Variants in NDFIP2 observed in about 807,000 individuals in gnomAD.
The protein encoded by NDFIP2 is NEDD4 family-interacting protein 2.
In NDFIP2, 19 loss-of-function variants were observed where a neutral mutation model predicts 36.0. That is an observed-to-expected ratio of 0.53 (90% CI 0.37 to 0.77). The LOEUF is 0.77. Among genes scored for constraint, NDFIP2 ranks in the 30% least tolerant of loss-of-function variants. NDFIP2 has a pLI of 0.00. For missense variants in NDFIP2, 446 were observed against 435.8 expected (o/e 1.02, Z -0.21); for synonymous variants, 181 against 167.7 (o/e 1.08, Z -0.61).
intron 1 of NDFIP2, among the ~76,000 whole-genome samples, chr13:79,496,672 T>TA (rs71106100): frequency 0.39 from 59,411 of 151,294 alleles, 12,789 homozygotes; most frequent in East Asian, 0.7. Flanking sequence ...AAATTCCACA[T>TA]AAAAAAAACT....
chr13:79,534,023 C>T (rs1875126276), intron 3 of NDFIP2, among the ~76,000 whole-genome samples: 1 of 152,070 alleles, frequency 6.6e-6, no homozygotes, highest in African/African-American at 2.4e-5. Context: ...TTGCTCTTCC[C>T]CGCTTATCCC....
chr13:79,545,489 G>C (rs963360222), intron 5 of NDFIP2, among the ~76,000 whole-genome samples: 12 of 152,138 alleles, frequency 7.9e-5, no homozygotes, highest in Non-Finnish European at 1.8e-4. Context: ...TACTTTTACT[G>C]AGTTAGAGTT....
chr13:79,551,253 ACAGT>A (rs1229018554), intron 7 of NDFIP2, 131 bp downstream of exon 7: 2 of 435,800 alleles, frequency 4.6e-6, no homozygotes, highest in Non-Finnish European at 8.2e-6. Flanking sequence ...AATACTGCTA[ACAGT>A]CAGCTTATTG....
At chr13:79,481,552 G>A (rs2079813360) in intron 1 of NDFIP2, 28 bp downstream of exon 1, 2 of 1,524,922 alleles carry the variant, frequency 1.3e-6, no homozygotes, top group Admixed American at 2.3e-5. Flanking sequence ...TGTGCCTCCC[G>A]GGACTGCCTC....
chr13:79,514,489 G>T (rs1566659808), intron 1 of NDFIP2, among the ~76,000 whole-genome samples: 1 of 150,850 alleles, frequency 6.6e-6, no homozygotes, highest in Non-Finnish European at 1.5e-5. Flanking sequence ...AATTGCTATT[G>T]TGATAAGTAC....
At chr13:79,538,610 G>C (rs1402187481) in intron 3 of NDFIP2, among the ~76,000 whole-genome samples, 1 of 152,154 alleles carries the variant, frequency 6.6e-6, no homozygotes, top group African/African-American at 2.4e-5. Context: ...TTTTTGAGAC[G>C]GTCTCACTGT....
chr13:79,550,893 A>G, intron 6 of NDFIP2, 124 bp from the exon 7 acceptor site: 1 of 557,020 alleles, frequency 1.8e-6, no homozygotes, highest in Non-Finnish European at 3.2e-6. Context: ...ACAGAAATGA[A>G]TGGAAGTCTG....
chr13:79,490,561 A>G (rs1873186505), intron 1 of NDFIP2, among the ~76,000 whole-genome samples: 1 of 152,170 alleles, frequency 6.6e-6, no homozygotes, highest in African/African-American at 2.4e-5. Flanking sequence ...CAGATCTGCC[A>G]TTGTAGTGCA....
At chr13:79,506,194 GA>G (rs1282786454) in intron 1 of NDFIP2, among the ~76,000 whole-genome samples, 1 of 151,890 alleles carries the variant, frequency 6.6e-6, no homozygotes, top group African/African-American at 2.4e-5. Flanking sequence ...ACAGAAGAGT[GA>G]AAAAGAAAAA....
chr13:79,510,176 T>C (rs891777779), intron 1 of NDFIP2, among the ~76,000 whole-genome samples: 4 of 152,200 alleles, frequency 2.6e-5, no homozygotes, highest in Admixed American at 2.6e-4. Flanking sequence ...TTTTGTTCTT[T>C]TTTGTATGTT....
chr13:79,551,199 A>C, intron 7 of NDFIP2, 77 bp downstream of exon 7: 1 of 687,986 alleles, frequency 1.5e-6, no homozygotes, highest in East Asian at 2.8e-5. Flanking sequence ...TAAATGCCTA[A>C]TGTGTATTCA....
In NDFIP2 at chr13:79,551,246, A is replaced by C. The variant is rs1197268025; in HGVS notation, c.*2+124A>C. 8 of 461,400 alleles carry C rather than the reference A, an allele frequency of 1.7e-5. No individual in the cohort carries two copies. In the Admixed American group the frequency reaches 2.0e-4, roughly 11 times the overall value. 28.6% of individuals were successfully genotyped at this position (461,400 alleles called of 1,614,324 possible). On this transcript the variant is annotated intron_variant, in intron 7 of 7. Transcript: ENST00000218652. ...GTTAGCATATTTAATATTTTTTAAT[A>C]CTGCTAACAGTCAGCTTATTGAAAT...
chr13:79,486,096 T>C (rs528354216), intron 1 of NDFIP2, among the ~76,000 whole-genome samples: 1 of 152,272 alleles, frequency 6.6e-6, no homozygotes, highest in South Asian at 2.1e-4. Context: ...TATAGTCACG[T>C]TCATCTTTGG....
chr13:79,542,179 C>G (rs965748518), intron 4 of NDFIP2, among the ~76,000 whole-genome samples: 3 of 152,094 alleles, frequency 2.0e-5, no homozygotes, highest in Admixed American at 6.6e-5. Flanking sequence ...GTAATGGGCT[C>G]TTATTTGATC....
At chr13:79,512,378 A>G (rs894680971) in intron 1 of NDFIP2, among the ~76,000 whole-genome samples, 5 of 152,196 alleles carry the variant, frequency 3.3e-5, no homozygotes, top group South Asian at 2.1e-4. Context: ...CAGCTTTGTT[A>G]TCAAGCACAT....
intron 2 of NDFIP2, among the ~76,000 whole-genome samples, chr13:79,524,968 A>G (rs1221049601): frequency 1.3e-5 from 2 of 152,158 alleles, no homozygotes; most frequent in Non-Finnish European, 2.9e-5. Flanking sequence ...TTTCATCACA[A>G]TTGAAAGCTT....
At chr13:79,483,546 A>C (rs9545126) in intron 1 of NDFIP2, among the ~76,000 whole-genome samples, 25,991 of 152,126 alleles carry the variant, frequency 0.17, 2,677 homozygotes, top group Middle Eastern at 0.29. Context: ...GCAATAAACC[A>C]CTTGAGTTGT....
At chr13:79,507,068 G>T (rs986676135) in intron 1 of NDFIP2, among the ~76,000 whole-genome samples, 1 of 151,936 alleles carries the variant, frequency 6.6e-6, no homozygotes, top group African/African-American at 2.4e-5. Context: ...CTGTTCATAC[G>T]TTTTGTCATC....
At chr13:79,522,233 G>T (rs900965482) in intron 2 of NDFIP2, among the ~76,000 whole-genome samples, 5 of 152,140 alleles carry the variant, frequency 3.3e-5, no homozygotes, top group Non-Finnish European at 7.3e-5. Flanking sequence ...TTAGCTATAA[G>T]ATTTAACAGC....
Sources: gnomAD v4.1 joint callset for allele counts (sites outside exome capture counted in the v4.1 genomes callset) on GRCh38, gnomAD v4.1.1 for gene constraint, MANE v1.5 for transcripts, NCBI Gene and HGNC (gene_info 2026-07-23, HGNC 2026-07-21) for gene names.